PTPRT: variants seen among roughly 807,000 people sequenced by gnomAD.
PTPRT encodes receptor-type tyrosine-protein phosphatase T.
A neutral mutation model predicts 176.8 loss-of-function variants in PTPRT; 56 were observed. The observed-to-expected ratio is 0.32, with a 90% CI of 0.26 to 0.40. The LOEUF is 0.40. Ranked by LOEUF, PTPRT falls within the 10% of genes least tolerant of loss-of-function variation. The pLI, the probability that PTPRT is intolerant of heterozygous loss-of-function variation, is 1.00. For missense variants in PTPRT, 1,540 were observed against 1,908.2 expected (o/e 0.81, Z 3.60); for synonymous variants, 783 against 739.0 (o/e 1.06, Z -0.96).
chr20:42,106,998 CTA>C, intron 23 of PTPRT, 77 bp from the exon 24 acceptor site: 2 of 1,545,186 alleles, frequency 1.3e-6, no homozygotes, highest in Non-Finnish European at 1.8e-6. Context: ...GCATTCAGCC[CTA>C]TCCCCAAGGG....
chr20:42,843,110 T>C (rs2145732722), intron 2 of PTPRT, among the ~76,000 whole-genome samples: 1 of 152,340 alleles, frequency 6.6e-6, no homozygotes, highest in South Asian at 2.1e-4. Context: ...ATGTGGATTA[T>C]ATTCCCTTCC....
intron 9 of PTPRT, among the ~76,000 whole-genome samples, chr20:42,441,110 A>G (rs1457464841): frequency 6.6e-6 from 1 of 152,218 alleles, no homozygotes; most frequent in Non-Finnish European, 1.5e-5. Context: ...AAATTCACCA[A>G]TACAGGACCC....
intron 6 of PTPRT, among the ~76,000 whole-genome samples, chr20:42,686,683 G>C (rs547462223): frequency 6.6e-6 from 1 of 151,522 alleles, no homozygotes; most frequent in Non-Finnish European, 1.5e-5. Flanking sequence ...TGGTAGAGAC[G>C]GGGTTTCACC....
intron 7 of PTPRT, among the ~76,000 whole-genome samples, chr20:42,620,437 G>A (rs867710981): frequency 0.016 from 2,424 of 148,668 alleles, 82 homozygotes; most frequent in African/African-American, 0.06. Context: ...TACAGAGGCA[G>A]GCAGGCCTCC....
chr20:42,325,677 A>G (rs1457403727), intron 11 of PTPRT, among the ~76,000 whole-genome samples: 1 of 152,064 alleles, frequency 6.6e-6, no homozygotes, highest in Non-Finnish European at 1.5e-5. Context: ...TTTGCCCCCA[A>G]AATTTATTCT....
intron 1 of PTPRT, among the ~76,000 whole-genome samples, chr20:42,982,202 C>T (rs932506813): frequency 2.0e-5 from 3 of 152,192 alleles, no homozygotes; most frequent in Non-Finnish European, 4.4e-5. Flanking sequence ...TCTGCCTACA[C>T]TTACCACCAA....
intron 2 of PTPRT, among the ~76,000 whole-genome samples, chr20:42,868,911 G>A (rs913395942): frequency 2.6e-5 from 4 of 152,104 alleles, no homozygotes; most frequent in African/African-American, 9.7e-5. Context: ...CTGGTGTAGT[G>A]CTCCTTAGAT....
intron 1 of PTPRT, among the ~76,000 whole-genome samples, chr20:43,108,495 T>C (rs987758936): frequency 7.9e-5 from 12 of 152,132 alleles, no homozygotes; most frequent in Admixed American, 5.2e-4. Flanking sequence ...AATAATACAT[T>C]GTTAAGTCAT....
rs1329956100 is a variant in PTPRT at position 42,825,152 on chromosome 20, T to TA, written c.215-33687dup. On this transcript the variant is annotated intron_variant, in intron 2 of 30. Transcript: ENST00000373187. ...GATTTTCTGAGGAGCAATTTGATAA[T>TA]ACGTATCACATTATCAAGTTGTGAA... Among the ~76,000 whole-genome samples, 6 of 152,218 alleles carry TA rather than the reference T, an allele frequency of 3.9e-5. No homozygotes were observed. In the East Asian group the frequency reaches 1.2e-3, roughly 29 times the overall value.
intron 14 of PTPRT, among the ~76,000 whole-genome samples, chr20:42,244,282 T>A (rs908140498): frequency 6.6e-6 from 1 of 152,212 alleles, no homozygotes; most frequent in African/African-American, 2.4e-5. Flanking sequence ...AGAGAATTGA[T>A]GTATAACCAG....
At chr20:42,671,261 G>C (rs191481361) in intron 7 of PTPRT, among the ~76,000 whole-genome samples, 201 of 152,276 alleles carry the variant, frequency 1.3e-3, no homozygotes, top group African/African-American at 4.6e-3. Context: ...TCCATCCAGA[G>C]CTGTACGATA....
intron 22 of PTPRT, among the ~76,000 whole-genome samples, chr20:42,112,188 T>G (rs749756192): frequency 1.3e-5 from 2 of 152,204 alleles, no homozygotes; most frequent in African/African-American, 2.4e-5. Context: ...ACATGAAGGA[T>G]GGATTCAGGT....
chr20:42,343,375 T>C (rs1388350650), intron 11 of PTPRT, among the ~76,000 whole-genome samples: 2 of 152,200 alleles, frequency 1.3e-5, no homozygotes, highest in Non-Finnish European at 2.9e-5. Context: ...GGACAATGTC[T>C]TTTCCTTCAC....
chr20:42,956,579 C>A (rs1221130418), intron 1 of PTPRT, among the ~76,000 whole-genome samples: 1 of 152,000 alleles, frequency 6.6e-6, no homozygotes, highest in East Asian at 1.9e-4. Flanking sequence ...CCAATTAAAT[C>A]TCTCTCTTTT....
At chr20:42,771,238 C>A (rs1420285430) in intron 5 of PTPRT, among the ~76,000 whole-genome samples, 197 bp downstream of exon 5, 1 of 152,190 alleles carries the variant, frequency 6.6e-6, no homozygotes, top group Non-Finnish European at 1.5e-5. Flanking sequence ...CACCCCATCT[C>A]ACAAGCCCAG....
intron 2 of PTPRT, among the ~76,000 whole-genome samples, chr20:42,814,032 T>A (rs2077740690): frequency 6.6e-6 from 1 of 152,170 alleles, no homozygotes; most frequent in African/African-American, 2.4e-5. Flanking sequence ...AGAGAAAGGA[T>A]AATGATACCC....
chr20:42,968,326 G>C (rs1982419915), intron 1 of PTPRT, among the ~76,000 whole-genome samples: 2 of 152,122 alleles, frequency 1.3e-5, no homozygotes, highest in Non-Finnish European at 2.9e-5. Flanking sequence ...ATCTCCTTTA[G>C]GGCAAGATTC....
chr20:42,807,094 G>A (rs1274725823), intron 2 of PTPRT, among the ~76,000 whole-genome samples: 8 of 152,164 alleles, frequency 5.3e-5, no homozygotes, highest in Admixed American at 1.3e-4. Flanking sequence ...AAGAAAGGTG[G>A]GAGGAAAACA....
intron 6 of PTPRT, among the ~76,000 whole-genome samples, chr20:42,731,649 C>T (rs557057543): frequency 3.3e-5 from 5 of 152,220 alleles, no homozygotes; most frequent in Non-Finnish European, 5.9e-5. Context: ...AGCTAGGAGA[C>T]ATGCACCCTG....
Sources: allele counts gnomAD v4.1 joint callset (sites outside exome capture counted in the v4.1 genomes callset), GRCh38; gene constraint gnomAD v4.1.1; transcripts MANE v1.5; gene names NCBI Gene and HGNC (gene_info 2026-07-23, HGNC 2026-07-21).